Variants in SEMA5A observed in about 807,000 individuals in gnomAD.
SEMA5A encodes semaphorin 5A.
In SEMA5A, 55 loss-of-function variants were observed where a neutral mutation model predicts 135.5. That is an observed-to-expected ratio of 0.41 (90% confidence interval 0.33 to 0.51). SEMA5A has a LOEUF of 0.51. SEMA5A is among the 20% of genes least tolerant of loss of function. The pLI, the probability that SEMA5A is intolerant of heterozygous loss-of-function variation, is 0.37. For missense variants in SEMA5A, 1,290 were observed against 1,419.9 expected, an observed-to-expected ratio of 0.91 and a Z score of 1.47; for synonymous variants, 580 against 546.5, an observed-to-expected ratio of 1.06 and a Z score of -0.85.
chr5:9,544,334 T>C (rs1050321690), intron 1 of SEMA5A, among the ~76,000 whole-genome samples: 2 of 152,202 alleles, frequency 1.3e-5, no homozygotes, highest in Admixed American at 1.3e-4. Flanking sequence ...TCGATTTCTT[T>C]CTGAGTAAAT....
intron 3 of SEMA5A, among the ~76,000 whole-genome samples, chr5:9,367,554 G>T (rs1417709652): frequency 6.6e-6 from 1 of 152,194 alleles, no homozygotes; most frequent in African/African-American, 2.4e-5. Flanking sequence ...TCTCAAATGT[G>T]ATGGCACCTC....
At chr5:9,094,823 A>G (rs1739231048) in intron 16 of SEMA5A, among the ~76,000 whole-genome samples, 1 of 152,206 alleles carries the variant, frequency 6.6e-6, no homozygotes. Flanking sequence ...GATGCCAAAT[A>G]ATAGTGTGTG....
chr5:9,445,847 T>C (rs962497119), intron 1 of SEMA5A, among the ~76,000 whole-genome samples: 7 of 152,190 alleles, frequency 4.6e-5, no homozygotes, highest in African/African-American at 1.7e-4. Flanking sequence ...TCTGGCTCTA[T>C]GACTGGCAGG....
At chr5:9,229,048 C>T (rs1747476273) in intron 6 of SEMA5A, among the ~76,000 whole-genome samples, 1 of 152,192 alleles carries the variant, frequency 6.6e-6, no homozygotes, top group African/African-American at 2.4e-5. Flanking sequence ...ACCTTGGCCT[C>T]TCAAAGTGCT....
intron 21 of SEMA5A, among the ~76,000 whole-genome samples, chr5:9,046,990 C>T (rs1386232883): frequency 6.6e-6 from 1 of 152,198 alleles, no homozygotes; most frequent in African/African-American, 2.4e-5. Context: ...CCTTTCTTGA[C>T]TCTGTCTTGA....
chr5:9,487,743 G>A (rs1292737583), intron 1 of SEMA5A, among the ~76,000 whole-genome samples: 5 of 152,020 alleles, frequency 3.3e-5, no homozygotes, highest in African/African-American at 9.7e-5. Context: ...TTTATGTCTT[G>A]TCCATATGGT....
chr5:9,369,877 C>G (rs1301547981), intron 3 of SEMA5A, among the ~76,000 whole-genome samples: 1 of 151,988 alleles, frequency 6.6e-6, no homozygotes, highest in Admixed American at 6.6e-5. Flanking sequence ...TAGATGAACC[C>G]CTTCCTTCAC....
At chr5:9,271,320 T>C (rs915584586) in intron 5 of SEMA5A, among the ~76,000 whole-genome samples, 1 of 152,184 alleles carries the variant, frequency 6.6e-6, no homozygotes, top group African/African-American at 2.4e-5. Flanking sequence ...TAAATCTCTT[T>C]TCTTCATAAA....
intron 3 of SEMA5A, among the ~76,000 whole-genome samples, chr5:9,356,012 A>G (rs529379693): frequency 2.6e-5 from 4 of 152,278 alleles, no homozygotes; most frequent in African/African-American, 9.6e-5. Context: ...TAACCCATTT[A>G]TCTTCATACA....
intron 16 of SEMA5A, among the ~76,000 whole-genome samples, chr5:9,092,640 C>T (rs1739097197): frequency 6.6e-6 from 1 of 152,118 alleles, no homozygotes; most frequent in African/African-American, 2.4e-5. Context: ...AAGCAAATAT[C>T]ATGGAAAGAA....
chr5:9,356,590 A>G (rs765170955), intron 3 of SEMA5A, among the ~76,000 whole-genome samples: 3 of 152,218 alleles, frequency 2.0e-5, no homozygotes, highest in Non-Finnish European at 4.4e-5. Context: ...AACAATTTTT[A>G]TAGCCTCGGG....
At chr5:9,345,375 C>G (rs1753815698) in intron 3 of SEMA5A, among the ~76,000 whole-genome samples, 1 of 152,168 alleles carries the variant, frequency 6.6e-6, no homozygotes, top group African/African-American at 2.4e-5. Flanking sequence ...GCCCTGGCAG[C>G]CTTGGTCACC....
intron 11 of SEMA5A, among the ~76,000 whole-genome samples, chr5:9,179,265 A>G (rs1158716803): frequency 6.6e-6 from 1 of 152,168 alleles, no homozygotes; most frequent in Non-Finnish European, 1.5e-5. Flanking sequence ...GGTAAAGATA[A>G]GCAATTTTAT....
At chr5:9,365,170 A>T (rs1285207952) in intron 3 of SEMA5A, among the ~76,000 whole-genome samples, 1 of 152,220 alleles carries the variant, frequency 6.6e-6, no homozygotes, top group Non-Finnish European at 1.5e-5. Context: ...AGAAAGCTAA[A>T]CTACCGTAGT....
chr5:9,429,838 G>T (rs1757793376), intron 2 of SEMA5A, among the ~76,000 whole-genome samples: 1 of 152,226 alleles, frequency 6.6e-6, no homozygotes, highest in East Asian at 1.9e-4. Flanking sequence ...TGAGGACAAA[G>T]AAGGGACACG....
rs1479863887 is a variant in SEMA5A at position 9,245,617 on chromosome 5, C to G, written c.271-7727G>C. Reference sequence around the variant, plus strand: ...TACAAATTGAAATGACAGCGGACACCTTATTCCGTACTCTATAATAAACCA... The same window carrying G: ...TACAAATTGAAATGACAGCGGACACGTTATTCCGTACTCTATAATAAACCA... On this transcript the variant is annotated intron_variant, in intron 5 of 22. Coordinates refer to ENST00000382496, the MANE Select transcript of SEMA5A (RefSeq NM_003966.3). Among the ~76,000 whole-genome samples, 11 of 152,172 alleles carry G rather than the reference C, an allele frequency of 7.2e-5. No homozygotes were observed. In the East Asian group the frequency reaches 2.1e-3, roughly 29 times the overall value.
Position 9,035,349 on chromosome 5 carries a change from A to G in SEMA5A, c.*7548T>C, listed in dbSNP as rs1451726255. On this transcript the variant is annotated 3_prime_UTR_variant, in exon 23 of 23. Coordinates refer to ENST00000382496, the MANE Select transcript of SEMA5A (RefSeq NM_003966.3). ...ACAACATATTCACTTCTGTAATAATAGCTATATATTTTTTCTTATAAACGT... is the reference window on the plus strand; with the variant it reads ...ACAACATATTCACTTCTGTAATAATGGCTATATATTTTTTCTTATAAACGT... The G allele has an allele frequency of 2.6e-5, 4 of 152,162 alleles. No homozygotes were observed. The East Asian group carries it at 7.7e-4, about 29-fold the overall frequency. 9.4% of individuals were successfully genotyped at this position (152,162 alleles called of 1,614,324 possible). A position where few individuals can be genotyped will look rare whatever the true frequency, so the allele number is the denominator to read the frequency against.
intron 16 of SEMA5A, among the ~76,000 whole-genome samples, chr5:9,102,510 T>C (rs780335116): frequency 1.1e-4 from 17 of 152,180 alleles, no homozygotes; most frequent in Non-Finnish European, 2.1e-4. Flanking sequence ...TATAAGGATA[T>C]AGAGTCTTAC....
intron 3 of SEMA5A, among the ~76,000 whole-genome samples, chr5:9,374,622 C>CGTGTGTGTGT (rs3086524): frequency 4.1e-5 from 6 of 147,138 alleles, no homozygotes; most frequent in African/African-American, 7.5e-5. Flanking sequence ...CACAAGACAT[C>CGTGTGTGTGT]GTGTGTGTGT....
Sources: gnomAD v4.1 joint callset for allele counts (sites outside exome capture counted in the v4.1 genomes callset) on GRCh38, gnomAD v4.1.1 for gene constraint, MANE v1.5 for transcripts, NCBI Gene and HGNC (gene_info 2026-07-23, HGNC 2026-07-21) for gene names.